Variants in SPIDR observed in about 807,000 individuals in gnomAD.
The protein encoded by SPIDR is DNA repair-scaffolding protein.
Under a neutral mutation model 104.6 loss-of-function variants are expected in SPIDR, and 93 were observed. The ratio of observed to expected loss-of-function variants is 0.89; its 90% CI spans 0.75 to 1.06. SPIDR has a LOEUF of 1.06. SPIDR is among the 50% of genes least tolerant of loss of function. The probability of loss-of-function intolerance (pLI) is 0.00; values close to 1 mark genes in which losing one functional copy is unlikely to be tolerated. For missense variants in SPIDR, 1,154 were observed against 1,111.2 expected (o/e 1.04, Z -0.55); for synonymous variants, 431 against 416.9 (o/e 1.03, Z -0.41).
At chr8:47,426,431 T>TA (rs2066430985) in intron 7 of SPIDR, among the ~76,000 whole-genome samples, 1 of 152,008 alleles carries the variant, frequency 6.6e-6, no homozygotes, top group South Asian at 2.1e-4. Flanking sequence ...CTTTGTTCCT[T>TA]ACTACTTTCA....
chr8:47,295,703 G>A (rs1446068886), intron 5 of SPIDR, among the ~76,000 whole-genome samples: 2 of 152,030 alleles, frequency 1.3e-5, no homozygotes, highest in African/African-American at 4.8e-5. Context: ...CATTCGTCTA[G>A]ACACCTAGAT....
chr8:47,404,702 C>T (rs186902357), intron 6 of SPIDR, among the ~76,000 whole-genome samples: 10 of 152,116 alleles, frequency 6.6e-5, no homozygotes, highest in African/African-American at 2.2e-4. Context: ...CAGGAAACAA[C>T]GGGTGCTGGA....
intron 8 of SPIDR, among the ~76,000 whole-genome samples, chr8:47,450,155 ACT>A (rs1238795866): frequency 6.6e-6 from 1 of 151,740 alleles, no homozygotes; most frequent in Non-Finnish European, 1.5e-5. Context: ...ACAGAGTAAG[ACT>A]CTGTCTCAAA....
intron 8 of SPIDR, among the ~76,000 whole-genome samples, chr8:47,469,069 T>C (rs1200417810): frequency 1.3e-5 from 2 of 152,154 alleles, no homozygotes; most frequent in African/African-American, 4.8e-5. Flanking sequence ...GACATTCATA[T>C]GGCCAACAAG....
intron 16 of SPIDR, among the ~76,000 whole-genome samples, chr8:47,722,757 T>C (rs1388392151): frequency 6.6e-6 from 1 of 152,186 alleles, no homozygotes; most frequent in Non-Finnish European, 1.5e-5. Flanking sequence ...AGAAATGTTT[T>C]GGATTTTTTA....
intron 5 of SPIDR, among the ~76,000 whole-genome samples, chr8:47,297,208 C>T (rs1586523469): frequency 6.6e-6 from 1 of 152,146 alleles, no homozygotes; most frequent in Non-Finnish European, 1.5e-5. Context: ...TTATTTCTTT[C>T]TCTTGCCTAA....
intron 7 of SPIDR, among the ~76,000 whole-genome samples, chr8:47,432,062 T>A (rs1282486045): frequency 2.0e-5 from 3 of 152,212 alleles, no homozygotes; most frequent in Admixed American, 2.0e-4. Flanking sequence ...AATTAAAATT[T>A]TGATTTACCA....
At chr8:47,618,401 A>G (rs1331397276) in intron 10 of SPIDR, among the ~76,000 whole-genome samples, 6 of 152,148 alleles carry the variant, frequency 3.9e-5, no homozygotes, top group African/African-American at 9.7e-5. Flanking sequence ...CTCAAACTGT[A>G]ATATAATATT....
chr8:47,419,992 A>G (rs1156593301), intron 7 of SPIDR, among the ~76,000 whole-genome samples: 1 of 151,978 alleles, frequency 6.6e-6, no homozygotes, highest in African/African-American at 2.4e-5. Flanking sequence ...GTTTGTTATA[A>G]TTTCTGTTCT....
At chr8:47,506,906 GGGAAATAGCTGA>G (rs1785565939) in intron 8 of SPIDR, among the ~76,000 whole-genome samples, 1 of 152,124 alleles carries the variant, frequency 6.6e-6, no homozygotes. Context: ...CCACTGTGTT[GGGAAATAGCTGA>G]GCTCTGTGCA....
intron 8 of SPIDR, among the ~76,000 whole-genome samples, chr8:47,487,489 T>C (rs1423027979): frequency 7.9e-5 from 12 of 152,096 alleles, no homozygotes; most frequent in Non-Finnish European, 7.4e-5. Flanking sequence ...TGAACTCAGC[T>C]CTGCACCTAG....
At chr8:47,275,634 ACTGT>A (rs1357885578) in intron 1 of SPIDR, among the ~76,000 whole-genome samples, 4 of 152,324 alleles carry the variant, frequency 2.6e-5, no homozygotes, top group South Asian at 2.1e-4. Flanking sequence ...AGAATACAAC[ACTGT>A]CTATTTTACA....
chr8:47,702,024 C>G lies in SPIDR; in HGVS notation c.1977+9C>G. The G allele has an allele frequency of 6.3e-7, 1 of 1,599,648 alleles. No homozygotes were observed. Among genetic ancestry groups the G allele is most frequent in the Non-Finnish European group, 8.5e-7 (1 of 1,173,054 alleles). On this transcript the variant is annotated intron_variant, in intron 14 of 19. Coordinates refer to ENST00000297423, the MANE Select transcript of SPIDR (RefSeq NM_001080394.4). ...TTTACCAAAAACCACAGGTAATAAT[C>G]TCTCTCAATCTCTCAATCTCTCAGC...
At chr8:47,495,380 C>G (rs2079276704) in intron 8 of SPIDR, among the ~76,000 whole-genome samples, 1 of 149,706 alleles carries the variant, frequency 6.7e-6, no homozygotes, top group African/African-American at 2.5e-5. Flanking sequence ...GCTTTACCCC[C>G]TCCCACCCAA....
chr8:47,396,249 T>G, intron 5 of SPIDR, 127 bp from the exon 6 acceptor site: 1 of 785,280 alleles, frequency 1.3e-6, no homozygotes, highest in Non-Finnish European at 2.0e-6. Flanking sequence ...CTGCAGATAC[T>G]GTATTCAAAA....
At chr8:47,538,209 A>G (rs1198704868) in intron 8 of SPIDR, among the ~76,000 whole-genome samples, 4 of 152,012 alleles carry the variant, frequency 2.6e-5, no homozygotes, top group African/African-American at 7.2e-5. Flanking sequence ...GAGTTCCCAG[A>G]GGTTGCTGAG....
chr8:47,345,754 GCTGT>G (rs1390379567), intron 5 of SPIDR, among the ~76,000 whole-genome samples: 3 of 149,946 alleles, frequency 2.0e-5, no homozygotes, highest in Non-Finnish European at 1.5e-5. Flanking sequence ...TCATGATTTG[GCTGT>G]CTGTTTGTCT....
chr8:47,586,826 T>C (rs1335312682), intron 8 of SPIDR, among the ~76,000 whole-genome samples: 1 of 152,204 alleles, frequency 6.6e-6, no homozygotes, highest in Non-Finnish European at 1.5e-5. Flanking sequence ...TGGAGTGCAG[T>C]GGCAAGACCT....
chr8:47,511,553 G>C (rs2154376205), intron 8 of SPIDR: 1 of 782,640 alleles, frequency 1.3e-6, no homozygotes, highest in South Asian at 1.3e-5. Flanking sequence ...TAGCTTCTGA[G>C]TCCTCCATTA....
Sources: allele counts gnomAD v4.1 joint callset (sites outside exome capture counted in the v4.1 genomes callset), GRCh38; gene constraint gnomAD v4.1.1; transcripts MANE v1.5; gene names NCBI Gene and HGNC (gene_info 2026-07-23, HGNC 2026-07-21).